The following MAG variants were observed in gnomAD, a reference collection of about 807,000 sequenced individuals.
MAG encodes the protein myelin associated glycoprotein, also known as myelin-associated glycoprotein.
In MAG, 30 loss-of-function variants were observed where a neutral mutation model predicts 60.7. The ratio of observed to expected loss-of-function variants is 0.49; its 90% CI spans 0.37 to 0.67. The LOEUF is 0.67. Ranked by LOEUF, MAG falls within the 30% of genes least tolerant of loss-of-function variation. The pLI is 0.00. For synonymous variants in MAG, 384 were observed against 376.8 expected, an observed-to-expected ratio of 1.02 and a Z score of -0.22; for missense variants, 795 against 851.7, an observed-to-expected ratio of 0.93 and a Z score of 0.83.
At chr19:35,305,318 A>G (rs550717113) in intron 7 of MAG, among the ~76,000 whole-genome samples, 1 of 152,136 alleles carries the variant, frequency 6.6e-6, no homozygotes, top group Non-Finnish European at 1.5e-5. Context: ...CTTCTGTCTT[A>G]CCTGCCAACC....
intron 6 of MAG, among the ~76,000 whole-genome samples, 174 bp downstream of exon 6, chr19:35,300,578 G>T (rs117445245): frequency 6.6e-6 from 1 of 152,198 alleles, no homozygotes; most frequent in Non-Finnish European, 1.5e-5. Flanking sequence ...CTTTCCACAA[G>T]AATCTGGGGA....
intron 4 of MAG, among the ~76,000 whole-genome samples, chr19:35,296,372 G>A (rs1450925596): frequency 6.6e-6 from 1 of 152,188 alleles, no homozygotes; most frequent in East Asian, 1.9e-4. Flanking sequence ...CAGCACTTAA[G>A]GCAATGAGTG....
intron 1 of MAG, among the ~76,000 whole-genome samples, chr19:35,292,532 C>A (rs1418188822): frequency 6.6e-6 from 1 of 152,006 alleles, no homozygotes; most frequent in Non-Finnish European, 1.5e-5. Context: ...CTGCATCTGG[C>A]CGAAGAATGG....
chr19:35,302,744 C>T (rs200619465), intron 7 of MAG, 36 bp downstream of exon 7: 118 of 1,602,420 alleles, frequency 7.4e-5, no homozygotes, highest in Non-Finnish European at 9.3e-5. Flanking sequence ...TGGGGATGGA[C>T]GGTTCCGTGG....
chr19:35,299,528 G>GCC, intron 4 of MAG, 26 bp from the exon 5 acceptor site: 1 of 1,528,654 alleles, frequency 6.5e-7, no homozygotes, highest in Non-Finnish European at 8.9e-7. Flanking sequence ...TGCTTTCTCA[G>GCC]CCCTCCCTTT....
intron 4 of MAG, 46 bp downstream of exon 4, chr19:35,296,027 G>A: frequency 6.6e-7 from 1 of 1,524,506 alleles, no homozygotes; most frequent in Non-Finnish European, 8.8e-7. Context: ...GGGGCAGCGG[G>A]GCGGGAAGGA....
At chr19:35,310,675 G>A (rs750061140) in intron 9 of MAG, 32 bp downstream of exon 9, 7 of 1,602,032 alleles carry the variant, frequency 4.4e-6, no homozygotes, top group Non-Finnish European at 6.0e-6. Context: ...TCTGGGGATG[G>A]GAGTCTCCAA....
In MAG at chr19:35,310,127, C is replaced by A. The variant is rs754395124; in HGVS notation, c.1485C>A (p.Gly495=). The change falls in exon 8 of 11, where the codon GGC becomes GGA. Residue 495 remains glycine, a synonymous_variant. Transcript: ENST00000392213. The part of the protein sequence containing the change: ...RVICTARNLY[G]AKSLELPFQG... ...TCTGCACCGCGAGGAACCTCTATGG[C>A]GCCAAGAGCCTGGAGCTGCCCTTCC... The A allele has an allele frequency of 3.1e-6, 5 of 1,609,790 alleles. No individual in the cohort carries two copies. In the African/African-American group the frequency reaches 6.7e-5, roughly 22 times the overall value.
At chr19:35,310,195 G>A (rs2066517004) in intron 8 of MAG, 34 bp downstream of exon 8, 1 of 1,580,484 alleles carries the variant, frequency 6.3e-7, no homozygotes, top group South Asian at 1.2e-5. Context: ...GGAGCCACAG[G>A]AGGGAGCGGG....
In MAG at chr19:35,295,818, C is replaced by A. The variant is rs763042714; in HGVS notation, c.252C>A (p.Ser84Arg). Residue 84 changes from serine to arginine, a missense_variant, in exon 4 of 11, where the codon AGC (serine) becomes AGA (arginine). By Grantham distance (110) the Ser-to-Arg change is moderately radical. Coordinates refer to ENST00000392213, the MANE Select transcript of MAG (RefSeq NM_002361.4). This position sits in a 1 kb window ranked among gnomAD's most constrained non-coding sequence, Gnocchi z 5.8. ...CGCGCACCCAAGTAGTCCACGAGAG[C>A]TTCCAGGGCCGCAGCCGCCTCCTGG... is the stretch of plus-strand genomic sequence containing the variant. ...FKSRTQVVHE[S>R]FQGRSRLLGD... 3.1e-6 allele frequency: 5 copies of A among 1,613,844 alleles called. No homozygotes were observed. The highest frequency in any genetic ancestry group is 4.2e-6 in the Non-Finnish European group (5 of 1,180,022).
intron 6 of MAG, among the ~76,000 whole-genome samples, chr19:35,301,812 T>A (rs565385928): frequency 1.3e-5 from 2 of 151,906 alleles, no homozygotes; most frequent in African/African-American, 2.4e-5. Context: ...GTGACCTGCC[T>A]ACCTCAGCCT....
chr19:35,301,398 C>T (rs975246857), intron 6 of MAG, among the ~76,000 whole-genome samples: 1 of 150,448 alleles, frequency 6.6e-6, no homozygotes, highest in African/African-American at 2.5e-5. Flanking sequence ...ATGACAGCCG[C>T]AGCCAACATT....
Position 35,310,017 on chromosome 19 carries a change from GAGT to G in MAG, c.1376_1378del (p.Glu459_Phe460delinsVal). The G allele has an allele frequency of 6.2e-7, 1 of 1,614,010 alleles. No homozygotes were observed. The highest frequency in any genetic ancestry group is 2.2e-5 in the East Asian group (1 of 44,872). On this transcript the variant is annotated inframe_deletion, in exon 8 of 11. Coordinates refer to ENST00000392213, the MANE Select transcript of MAG (RefSeq NM_002361.4). ...TGTGACCGTGAACGAGAGCGAGCGG[GAGT>G]TCGTGTACTCGGAGCGCAGCGGCCT...
chr19:35,309,668 G>A (rs1366248032), intron 7 of MAG: 1 of 604,654 alleles, frequency 1.7e-6, no homozygotes, highest in Non-Finnish European at 2.9e-6. Context: ...GAAGCTTGCA[G>A]TGAAAACAGG....
chr19:35,298,631 A>C (rs2066421400), intron 4 of MAG, among the ~76,000 whole-genome samples: 2 of 150,694 alleles, frequency 1.3e-5, no homozygotes, highest in Non-Finnish European at 3.0e-5. Flanking sequence ...CACACATACC[A>C]CACACTACAC....
Position 35,313,571 on chromosome 19 carries a change from C to A in MAG, c.*117C>A. ...GGGCTGGGGCAGGAGGGGAGTGAGGCAGGTGACAGTGAGGTCCTGGGGGCC... is the reference window on the plus strand; with the variant it reads ...GGGCTGGGGCAGGAGGGGAGTGAGGAAGGTGACAGTGAGGTCCTGGGGGCC... On this transcript the variant is annotated 3_prime_UTR_variant, in exon 11 of 11. Coordinates refer to ENST00000392213, the MANE Select transcript of MAG (RefSeq NM_002361.4). The A allele has an allele frequency of 1.8e-6, 2 of 1,097,968 alleles. No individual in the cohort carries two copies. Among genetic ancestry groups the A allele is most frequent in the Non-Finnish European group, 2.5e-6 (2 of 790,300 alleles). The allele number at this position is 1,097,968 out of a possible 1,614,324, so 68.0% of individuals were successfully genotyped here.
In MAG at chr19:35,295,562, G is replaced by T; in HGVS notation, c.47-51G>T. ...TGGTTGGGGATGGGAGCCGGAGGGG[G>T]TGATCGGGTAGGACGTGTCCCTGAG... is the stretch of plus-strand genomic sequence containing the variant. On this transcript the variant is annotated intron_variant, in intron 3 of 10. Transcript: ENST00000392213. This position sits in a 1 kb window ranked among gnomAD's most constrained non-coding sequence, Gnocchi z 5.8. 1 of 1,596,980 alleles carries T rather than the reference G, an allele frequency of 6.3e-7. No homozygotes were observed. Among genetic ancestry groups the T allele is most frequent in the Non-Finnish European group, 8.5e-7 (1 of 1,172,052 alleles).
At position 35,300,507 on chromosome 19, in the gene MAG, G is replaced by A. The variant is rs950063555; in HGVS notation, c.970+103G>A. The A allele has an allele frequency of 6.4e-6, 9 of 1,402,336 alleles. No individual in the cohort carries two copies. In the East Asian group the frequency reaches 1.5e-4, roughly 23 times the overall value. 86.9% of individuals were successfully genotyped at this position (1,402,336 alleles called of 1,614,324 possible). ...GCATGGGCTGGGTCCCGAGGGGACCGGCCATAAACAGTCGAGGCCAAGGTA... is the reference window on the plus strand; with the variant it reads ...GCATGGGCTGGGTCCCGAGGGGACCAGCCATAAACAGTCGAGGCCAAGGTA... On this transcript the variant is annotated intron_variant, in intron 6 of 10. Transcript: ENST00000392213.
In MAG at chr19:35,302,708, T is replaced by C. The variant is rs1287758842; in HGVS notation, c.1231T>C (p.Phe411Leu). ...CACCGCCTTCAACCTGTCTGTGGAG[T>C]GTGAGTACCTTCCGCTCCCCTATGC... Reference protein sequence around the residue: ...RATAFNLSVEFAPVLLLESHC... With the variant: ...RATAFNLSVELAPVLLLESHC... Residue 411 changes from phenylalanine to leucine, a missense_variant and splice_region_variant, in exon 7 of 11, where the codon TTC (phenylalanine) becomes CTC (leucine). Transcript: ENST00000392213. The C allele has an allele frequency of 2.5e-6, 4 of 1,612,470 alleles. No individual in the cohort carries two copies. Among genetic ancestry groups the C allele is most frequent in the Non-Finnish European group, 3.4e-6 (4 of 1,179,534 alleles).
Sources: allele counts gnomAD v4.1 joint callset (sites outside exome capture counted in the v4.1 genomes callset), GRCh38; gene constraint gnomAD v4.1.1; non-coding constraint Gnocchi (gnomAD v3.1); transcripts MANE v1.5; gene names NCBI Gene and HGNC (gene_info 2026-07-23, HGNC 2026-07-21).